The following HPSE2 variants were observed in gnomAD, a reference collection of about 807,000 sequenced individuals.
The protein encoded by HPSE2 is inactive heparanase-2.
Under a neutral mutation model 60.5 loss-of-function variants are expected in HPSE2, and 38 were observed. The ratio of observed to expected loss-of-function variants is 0.63; its 90% CI spans 0.48 to 0.82. HPSE2 has a LOEUF of 0.82. Among genes scored for constraint, HPSE2 ranks in the 40% least tolerant of loss-of-function variants. The pLI is 0.00. For missense variants in HPSE2, 713 were observed against 740.4 expected (o/e 0.96, Z 0.43); for synonymous variants, 295 against 293.2 (o/e 1.01, Z -0.06).
chr10:99,296,352 G>T, the HPSE2 span, among the ~76,000 whole-genome samples: 25 of 152,094 alleles, frequency 1.6e-4, no homozygotes, highest in African/African-American at 5.5e-4. Context: ...CTTTCAATCA[G>T]ATGCCCCCCC....
At position 99,235,638 on chromosome 10, in the gene HPSE2, C is replaced by T; in HGVS notation, c.165G>A (p.Leu55=). The T allele has an allele frequency of 6.2e-7, 1 of 1,614,064 alleles. No individual in the cohort carries two copies. The highest frequency in any genetic ancestry group is 8.5e-7 in the Non-Finnish European group (1 of 1,180,012). ...CAAGTAGAATCAGGGTCTTTTCCTT[C>T]AAACCTGCAGCTCTGTCTACAGGCA... ...RPLPVDRAAG[L]KEKTLILLDV... The change falls in exon 1 of 12, where the codon TTG becomes TTA. Residue 55 remains leucine (L), a synonymous_variant. Coordinates refer to ENST00000370552, the MANE Select transcript of HPSE2 (RefSeq NM_021828.5).
chr10:98,663,782 C>T (rs972437600), intron 6 of HPSE2, among the ~76,000 whole-genome samples: 10 of 152,156 alleles, frequency 6.6e-5, no homozygotes, highest in Non-Finnish European at 1.2e-4. Context: ...CCACGGGGAG[C>T]CCCACAGGCC....
At chr10:98,941,692 C>A (rs1289760447) in intron 3 of HPSE2, among the ~76,000 whole-genome samples, 1 of 135,258 alleles carries the variant, frequency 7.4e-6, no homozygotes, top group Non-Finnish European at 1.5e-5. Flanking sequence ...CCCCATCAAG[C>A]TACCAATGAC....
chr10:98,589,958 C>T (rs565605279), intron 9 of HPSE2, among the ~76,000 whole-genome samples: 3 of 152,306 alleles, frequency 2.0e-5, no homozygotes, highest in East Asian at 1.9e-4. Flanking sequence ...TCCAGATATT[C>T]GCAATTTTCC....
intron 3 of HPSE2, among the ~76,000 whole-genome samples, chr10:98,977,364 T>G (rs976843734): frequency 6.6e-6 from 1 of 152,218 alleles, no homozygotes; most frequent in African/African-American, 2.4e-5. Flanking sequence ...TGTGACCTTA[T>G]GCATTTAACC....
chr10:99,186,703 A>C (rs1848043828), intron 2 of HPSE2, among the ~76,000 whole-genome samples: 1 of 152,112 alleles, frequency 6.6e-6, no homozygotes, highest in Admixed American at 6.6e-5. Context: ...AAGAAAACAA[A>C]CTTAAATTCC....
intron 3 of HPSE2, among the ~76,000 whole-genome samples, chr10:98,830,552 A>G (rs531551230): frequency 6.6e-6 from 1 of 152,294 alleles, no homozygotes; most frequent in Admixed American, 6.5e-5. Flanking sequence ...AGGGTGAAGA[A>G]TTTACAAAAA....
At chr10:99,156,331 C>T (rs1420359475) in intron 2 of HPSE2, among the ~76,000 whole-genome samples, 6 of 131,794 alleles carry the variant, frequency 4.6e-5, no homozygotes, top group Non-Finnish European at 8.5e-5. Context: ...CCTTGATGAA[C>T]ATTGACGCAA....
At chr10:99,303,056 G>A in the HPSE2 span, among the ~76,000 whole-genome samples, 5 of 152,082 alleles carry the variant, frequency 3.3e-5, no homozygotes, top group African/African-American at 1.2e-4. Flanking sequence ...CTAAAAGTCT[G>A]CAGAGTGATA....
intron 3 of HPSE2, among the ~76,000 whole-genome samples, chr10:99,131,729 T>G (rs1430012864): frequency 1.3e-5 from 2 of 152,098 alleles, no homozygotes; most frequent in Non-Finnish European, 2.9e-5. Context: ...ACAATGGACT[T>G]TGGAGACTCA....
At chr10:99,192,678 C>T (rs1267185049) in intron 2 of HPSE2, among the ~76,000 whole-genome samples, 2 of 152,134 alleles carry the variant, frequency 1.3e-5, no homozygotes, top group African/African-American at 2.4e-5. Context: ...CTCAAGCGAT[C>T]CTCAGCTTCC....
At chr10:98,740,032 C>A (rs1432693047) in intron 4 of HPSE2, among the ~76,000 whole-genome samples, 1 of 152,078 alleles carries the variant, frequency 6.6e-6, no homozygotes, top group Non-Finnish European at 1.5e-5. Context: ...ATGTAAAAAT[C>A]TGTAATCATT....
At chr10:99,040,540 C>A (rs955747312) in intron 3 of HPSE2, among the ~76,000 whole-genome samples, 1 of 152,024 alleles carries the variant, frequency 6.6e-6, no homozygotes, top group Non-Finnish European at 1.5e-5. Flanking sequence ...CTTTACATAT[C>A]ATTTTAACTT....
chr10:98,663,975 G>A (rs1465385130), intron 6 of HPSE2, among the ~76,000 whole-genome samples: 1 of 152,114 alleles, frequency 6.6e-6, no homozygotes, highest in African/African-American at 2.4e-5. Context: ...TGTTGGCTGG[G>A]GAAAAGGTGA....
intron 3 of HPSE2, among the ~76,000 whole-genome samples, chr10:98,955,693 C>T (rs1955491261): frequency 6.6e-6 from 1 of 152,142 alleles, no homozygotes; most frequent in Non-Finnish European, 1.5e-5. Context: ...ATAGCAAAGA[C>T]ATCGAATCAA....
rs59267530 is a variant in HPSE2 at position 99,120,491 on chromosome 10, G to C, written c.610+23747C>G. Among the ~76,000 whole-genome samples the C allele has an allele frequency of 1.3e-3, 150 of 111,158 alleles. 1 individual carries two copies. Among genetic ancestry groups the C allele is most frequent in the African/African-American group, 4.5e-3 (150 of 33,382 alleles). The allele number at this position is 111,158 out of a possible 152,430, so 72.9% of individuals were successfully genotyped here. A position where few individuals can be genotyped will look rare whatever the true frequency, so the allele number is the denominator to read the frequency against. ...TAGCCATTCTAATTTTTTTTTTTTT[G>C]AGACAGAGTTTCACTCTTGTTGCCC... On this transcript the variant is annotated intron_variant, in intron 3 of 11. Coordinates refer to ENST00000370552, the MANE Select transcript of HPSE2 (RefSeq NM_021828.5).
At chr10:98,963,698 T>C (rs1589435012) in intron 3 of HPSE2, among the ~76,000 whole-genome samples, 1 of 152,248 alleles carries the variant, frequency 6.6e-6, no homozygotes, top group African/African-American at 2.4e-5. Context: ...AGACATTGCA[T>C]AACTTAACAG....
intron 3 of HPSE2, among the ~76,000 whole-genome samples, chr10:99,136,027 A>G (rs1325596115): frequency 6.6e-6 from 1 of 152,116 alleles, no homozygotes; most frequent in African/African-American, 2.4e-5. Context: ...GAAGAATCAA[A>G]TAGGCACAAT....
intron 3 of HPSE2, among the ~76,000 whole-genome samples, chr10:98,844,754 T>C (rs1951996650): frequency 6.6e-6 from 1 of 152,218 alleles, no homozygotes; most frequent in African/African-American, 2.4e-5. Context: ...TTATATTACA[T>C]ACACGTTTCT....
Sources: gnomAD v4.1 joint callset for allele counts (sites outside exome capture counted in the v4.1 genomes callset) on GRCh38, gnomAD v4.1.1 for gene constraint, MANE v1.5 for transcripts, NCBI Gene and HGNC (gene_info 2026-07-23, HGNC 2026-07-21) for gene names.